SLC25A21: variants seen among roughly 807,000 people sequenced by gnomAD.
The protein encoded by SLC25A21 is mitochondrial 2-oxodicarboxylate carrier.
Under a neutral mutation model 43.8 loss-of-function variants are expected in SLC25A21, and 47 were observed. That is an observed-to-expected ratio of 1.07 (90% CI 0.85 to 1.37). The LOEUF (loss-of-function observed/expected upper bound fraction) is 1.37. Among genes scored for constraint, SLC25A21 ranks in the 40% most tolerant of loss-of-function variants. The pLI, the probability that SLC25A21 is intolerant of heterozygous loss-of-function variation, is 0.00. For missense variants in SLC25A21, 352 were observed against 350.2 expected, an observed-to-expected ratio of 1.00 and a Z score of -0.04; for synonymous variants, 131 against 121.3, an observed-to-expected ratio of 1.08 and a Z score of -0.52.
rs1886497505 is a variant in SLC25A21, at chr14:36,768,546, T to G, written c.204-33973A>C. 7.9e-5 allele frequency among the ~76,000 whole-genome samples: 12 copies of G among 152,254 alleles called. No homozygotes were observed. The South Asian group carries it at 2.5e-3, about 32-fold the overall frequency. On this transcript the variant is annotated intron_variant, in intron 3 of 9. Transcript: ENST00000331299. ...AATTGTGGCTGCAGCATCCCTACTA[T>G]ATATGTAATCCCTCAGGCTGGGGCA... is the stretch of plus-strand genomic sequence containing the variant.
chr14:36,961,549 G>A (rs1430128227), intron 1 of SLC25A21, among the ~76,000 whole-genome samples: 1 of 152,112 alleles, frequency 6.6e-6, no homozygotes, highest in East Asian at 1.9e-4. Context: ...AGAGTGACTT[G>A]TCACTTTGGC....
intron 1 of SLC25A21, among the ~76,000 whole-genome samples, chr14:37,071,905 G>A (rs1425783335): frequency 1.3e-5 from 2 of 152,082 alleles, no homozygotes; most frequent in Non-Finnish European, 2.9e-5. Context: ...ATGTAGGCTG[G>A]GCACAGTGGC....
At chr14:37,141,080 G>C (rs1963562737) in intron 1 of SLC25A21, among the ~76,000 whole-genome samples, 1 of 152,270 alleles carries the variant, frequency 6.6e-6, no homozygotes, top group South Asian at 2.1e-4. Flanking sequence ...GGGAAGCGGA[G>C]GTTGCAGTGA....
chr14:36,927,335 C>A (rs951153932), intron 1 of SLC25A21, among the ~76,000 whole-genome samples: 3 of 152,160 alleles, frequency 2.0e-5, no homozygotes, highest in Non-Finnish European at 4.4e-5. Context: ...TTTAGACATA[C>A]GAACAAATCT....
Position 37,102,910 on chromosome 14 carries a change from A to G in SLC25A21, c.70+69371T>C, listed in dbSNP as rs535727065. Among the ~76,000 whole-genome samples, 75 of 151,858 alleles carry G rather than the reference A, an allele frequency of 4.9e-4. 1 individual carries two copies. The highest frequency in any genetic ancestry group is 1.2e-3 in the Admixed American group (19 of 15,244). On this transcript the variant is annotated intron_variant, in intron 1 of 9. Coordinates refer to ENST00000331299, the MANE Select transcript of SLC25A21 (RefSeq NM_030631.4). Reference sequence around the variant, plus strand: ...TGAGGCAGGAGAATCGCTTGAACCCAGGAGGCAGAGGTTGCAGTGACCCGA... The same window carrying G: ...TGAGGCAGGAGAATCGCTTGAACCCGGGAGGCAGAGGTTGCAGTGACCCGA...
At chr14:36,982,849 A>G (rs892943096) in intron 1 of SLC25A21, among the ~76,000 whole-genome samples, 1 of 151,848 alleles carries the variant, frequency 6.6e-6, no homozygotes, top group Non-Finnish European at 1.5e-5. Flanking sequence ...AAACAAAACA[A>G]AAGGCTAATG....
intron 1 of SLC25A21, among the ~76,000 whole-genome samples, chr14:36,910,159 C>T (rs1285953035): frequency 6.6e-6 from 1 of 152,042 alleles, no homozygotes; most frequent in African/African-American, 2.4e-5. Flanking sequence ...AACTAGGAGC[C>T]GATGCAAGTC....
At chr14:37,078,283 T>G (rs527932603) in intron 1 of SLC25A21, among the ~76,000 whole-genome samples, 1 of 152,196 alleles carries the variant, frequency 6.6e-6, no homozygotes, top group Admixed American at 6.5e-5. Context: ...CTGGGTTAGC[T>G]GACATTCTTT....
At chr14:36,779,347 AAAG>A (rs1400022266) in intron 3 of SLC25A21, among the ~76,000 whole-genome samples, 1 of 144,964 alleles carries the variant, frequency 6.9e-6, no homozygotes, top group Non-Finnish European at 1.5e-5. Flanking sequence ...CCTTTTAAAA[AAAG>A]AAGGAATTAT....
intron 1 of SLC25A21, among the ~76,000 whole-genome samples, chr14:37,165,786 T>G (rs1384268769): frequency 6.6e-6 from 1 of 152,136 alleles, no homozygotes; most frequent in Admixed American, 6.5e-5. Flanking sequence ...GGGCCTGATC[T>G]TATATGACAT....
chr14:37,049,156 G>GTTCTTGAAATTCCAATAT (rs889652111), intron 1 of SLC25A21, among the ~76,000 whole-genome samples: 1 of 152,262 alleles, frequency 6.6e-6, no homozygotes, highest in Non-Finnish European at 1.5e-5. Flanking sequence ...TCCTTGAAAT[G>GTTCTTGAAATTCCAATAT]TTCTTGAAAT....
chr14:37,128,954 C>T (rs1437777084), intron 1 of SLC25A21, among the ~76,000 whole-genome samples: 4 of 152,118 alleles, frequency 2.6e-5, no homozygotes, highest in Non-Finnish European at 5.9e-5. Context: ...ACAGTAAAAG[C>T]ATTAGCCACC....
intron 1 of SLC25A21, among the ~76,000 whole-genome samples, chr14:37,135,338 G>A (rs1287866807): frequency 6.6e-6 from 1 of 152,122 alleles, no homozygotes; most frequent in Non-Finnish European, 1.5e-5. Context: ...GTTTGAGGCT[G>A]CAGTGAGCTA....
intron 1 of SLC25A21, among the ~76,000 whole-genome samples, chr14:37,017,261 T>TA (rs1190897820): frequency 6.6e-6 from 1 of 152,018 alleles, no homozygotes; most frequent in Non-Finnish European, 1.5e-5. Flanking sequence ...CTTGAACACT[T>TA]AGATGTCACT....
At chr14:37,106,414 T>C (rs771841383) in intron 1 of SLC25A21, among the ~76,000 whole-genome samples, 3 of 152,084 alleles carry the variant, frequency 2.0e-5, no homozygotes, top group Non-Finnish European at 4.4e-5. Flanking sequence ...GTCTGTCTTA[T>C]GCGGTTGAGA....
At chr14:37,115,244 AC>A (rs1173857593) in intron 1 of SLC25A21, among the ~76,000 whole-genome samples, 1 of 152,176 alleles carries the variant, frequency 6.6e-6, no homozygotes, top group Non-Finnish European at 1.5e-5. Context: ...GGAGGGCAGC[AC>A]CGCCAAGGTC....
At chr14:37,102,284 T>C (rs535427273) in intron 1 of SLC25A21, among the ~76,000 whole-genome samples, 134 of 151,556 alleles carry the variant, frequency 8.8e-4, no homozygotes, top group African/African-American at 3.2e-3. Context: ...CTACTAAAAA[T>C]ACAATAAAAA....
intron 2 of SLC25A21, among the ~76,000 whole-genome samples, chr14:36,860,837 A>G (rs1208880141): frequency 6.6e-6 from 1 of 152,246 alleles, no homozygotes; most frequent in Non-Finnish European, 1.5e-5. Context: ...TTCATAAAAA[A>G]CAGAAATGCA....
At chr14:37,025,831 T>A (rs888013655) in intron 1 of SLC25A21, among the ~76,000 whole-genome samples, 2 of 152,128 alleles carry the variant, frequency 1.3e-5, no homozygotes, top group African/African-American at 4.8e-5. Flanking sequence ...GCAACGCCTG[T>A]TCAGGAGTTT....
Sources: allele counts gnomAD v4.1 joint callset (sites outside exome capture counted in the v4.1 genomes callset), GRCh38; gene constraint gnomAD v4.1.1; transcripts MANE v1.5; gene names NCBI Gene and HGNC (gene_info 2026-07-23, HGNC 2026-07-21).